Variants in GLIS3 observed in about 807,000 individuals in gnomAD.
GLIS3 encodes the protein zinc finger protein GLIS3.
In GLIS3, 53 loss-of-function variants were observed where a neutral mutation model predicts 78.6. The observed-to-expected ratio is 0.67, with a 90% CI of 0.54 to 0.85. The LOEUF (loss-of-function observed/expected upper bound fraction) is 0.85. Among genes scored for constraint, GLIS3 ranks in the 40% least tolerant of loss-of-function variants. The pLI, the probability that GLIS3 is intolerant of heterozygous loss-of-function variation, is 0.00. For synonymous variants in GLIS3, 684 were observed against 509.9 expected (o/e 1.34, Z -4.60); for missense variants, 1,703 against 1,231.1 (o/e 1.38, Z -5.74).
At chr9:4,405,787 T>C in the GLIS3 span, among the ~76,000 whole-genome samples, 2 of 151,726 alleles carry the variant, frequency 1.3e-5, no homozygotes, top group African/African-American at 4.8e-5. Context: ...TACAGGTCAG[T>C]ATCTCTGATG....
At chr9:4,304,278 A>T (rs1174616966), upstream of GLIS3, among the ~76,000 whole-genome samples, 1 of 152,268 alleles carries the variant, frequency 6.6e-6, no homozygotes, top group Non-Finnish European at 1.5e-5. Context: ...AGATGAGCAC[A>T]GTTAGTGTGT....
At chr9:4,432,327 T>G in the GLIS3 span, among the ~76,000 whole-genome samples, 1 of 152,150 alleles carries the variant, frequency 6.6e-6, no homozygotes, top group Admixed American at 6.5e-5. Context: ...CATAGTTGAT[T>G]CTTAAAGCTA....
At chr9:4,239,699 C>T (rs971585969) in intron 2 of GLIS3, among the ~76,000 whole-genome samples, 7 of 152,186 alleles carry the variant, frequency 4.6e-5, no homozygotes, top group Non-Finnish European at 8.8e-5. Flanking sequence ...ACCTACTTCC[C>T]TCCCTTATTA....
At chr9:3,855,886 G>A in intron 9 of GLIS3, 123 bp downstream of exon 9, 1 of 1,082,376 alleles carries the variant, frequency 9.2e-7, no homozygotes, top group Non-Finnish European at 1.4e-6. Flanking sequence ...TTAGAGGCAA[G>A]TCATGAAAGC....
chr9:4,265,900 T>TTTTC (rs1825955007), intron 2 of GLIS3, among the ~76,000 whole-genome samples: 1 of 96,090 alleles, frequency 1.0e-5, no homozygotes, highest in Non-Finnish European at 2.0e-5. Context: ...CACCCTGGTT[T>TTTTC]TTTTTTTGTT....
At chr9:4,411,746 A>G in the GLIS3 span, among the ~76,000 whole-genome samples, 12 of 152,206 alleles carry the variant, frequency 7.9e-5, no homozygotes, top group African/African-American at 2.9e-4. Flanking sequence ...ACCCATGGAC[A>G]AGTGGCTTAC....
At chr9:3,888,452 T>C (rs1299527836) in intron 7 of GLIS3, among the ~76,000 whole-genome samples, 5 of 152,210 alleles carry the variant, frequency 3.3e-5, no homozygotes, top group Admixed American at 3.3e-4. Flanking sequence ...CCAATCTGAT[T>C]TTTAATGCAC....
At chr9:4,113,773 C>T (rs1278830892) in intron 4 of GLIS3, among the ~76,000 whole-genome samples, 1 of 152,178 alleles carries the variant, frequency 6.6e-6, no homozygotes, top group African/African-American at 2.4e-5. Flanking sequence ...TATTTATTTT[C>T]TTGAAATCAT....
intron 2 of GLIS3, among the ~76,000 whole-genome samples, chr9:4,163,258 A>ACG (rs1032352455): frequency 6.6e-6 from 1 of 152,008 alleles, no homozygotes; most frequent in African/African-American, 2.4e-5. Flanking sequence ...ACACACACAC[A>ACG]CACACACACA....
chr9:4,200,737 C>T (rs749871402), intron 2 of GLIS3, among the ~76,000 whole-genome samples: 10 of 152,140 alleles, frequency 6.6e-5, no homozygotes, highest in East Asian at 1.9e-4. Flanking sequence ...ACAGGACTCA[C>T]GGCCAAATTC....
chr9:4,252,287 G>T (rs1222793045), intron 2 of GLIS3, among the ~76,000 whole-genome samples: 3 of 152,002 alleles, frequency 2.0e-5, no homozygotes, highest in Admixed American at 1.3e-4. Context: ...CATATTTCTT[G>T]GAGGCTTTGT....
At chr9:4,264,556 G>A (rs775475606) in intron 2 of GLIS3, among the ~76,000 whole-genome samples, 6 of 152,094 alleles carry the variant, frequency 3.9e-5, no homozygotes, top group African/African-American at 1.2e-4. Flanking sequence ...TGACCTGGCT[G>A]TACCTCAATC....
chr9:3,848,571 C>T (rs542328792), intron 9 of GLIS3, among the ~76,000 whole-genome samples: 10 of 152,232 alleles, frequency 6.6e-5, no homozygotes, highest in African/African-American at 1.9e-4. Context: ...TTGGCAGCAG[C>T]GAAATCAGTC....
At chr9:4,303,268 G>GAC (rs5896061), upstream of GLIS3, among the ~76,000 whole-genome samples, 72,402 of 144,802 alleles carry the variant, frequency 0.5, 17,983 homozygotes, top group East Asian at 0.7. Context: ...TTAAAACACA[G>GAC]ACACACACAC....
At chr9:4,283,787 GA>G (rs1827759526) in intron 2 of GLIS3, among the ~76,000 whole-genome samples, 1 of 152,160 alleles carries the variant, frequency 6.6e-6, no homozygotes, top group Admixed American at 6.6e-5. Flanking sequence ...CCAAAATCTG[GA>G]AGAAACGATA....
the GLIS3 span, among the ~76,000 whole-genome samples, chr9:4,465,315 A>T: frequency 4.6e-5 from 7 of 152,244 alleles, no homozygotes; most frequent in African/African-American, 1.4e-4. Flanking sequence ...TGGGAGGCCG[A>T]GGCAAGGGGA....
chr9:4,282,773 G>A (rs1423417892), intron 2 of GLIS3, among the ~76,000 whole-genome samples: 1 of 151,870 alleles, frequency 6.6e-6, no homozygotes, highest in African/African-American at 2.4e-5. Context: ...ATATACACAT[G>A]TAGATATGTA....
chr9:4,214,570 A>C (rs1176213263), intron 2 of GLIS3, among the ~76,000 whole-genome samples: 1 of 152,220 alleles, frequency 6.6e-6, no homozygotes. Flanking sequence ...AACAGAAATC[A>C]CACATAAAAT....
chr9:4,382,827 TA>T, the GLIS3 span, among the ~76,000 whole-genome samples: 85 of 152,280 alleles, frequency 5.6e-4, no homozygotes, highest in Admixed American at 7.2e-4. Context: ...AAGCAGACCA[TA>T]AAAATCTGTT....
Sources: gnomAD v4.1 joint callset for allele counts (sites outside exome capture counted in the v4.1 genomes callset) on GRCh38, gnomAD v4.1.1 for gene constraint, MANE v1.5 for transcripts, NCBI Gene and HGNC (gene_info 2026-07-23, HGNC 2026-07-21) for gene names.